The following LMF1 variants were observed in gnomAD, a reference collection of about 807,000 sequenced individuals.
LMF1 encodes the protein lipase maturation factor 1.
Under a neutral mutation model 60.6 loss-of-function variants are expected in LMF1, and 68 were observed. The ratio of observed to expected loss-of-function variants is 1.12; its 90% CI spans 0.92 to 1.37. The LOEUF is 1.37. Among genes scored for constraint, LMF1 ranks in the 40% most tolerant of loss-of-function variants. The probability of loss-of-function intolerance (pLI) is 0.00; values close to 1 mark genes in which losing one functional copy is unlikely to be tolerated. For missense variants in LMF1, 948 were observed against 767.2 expected, an observed-to-expected ratio of 1.24 and a Z score of -2.78; for synonymous variants, 418 against 324.7, an observed-to-expected ratio of 1.29 and a Z score of -3.09.
intron 5 of LMF1, 73 bp from the exon 6 acceptor site, chr16:879,810 C>A: frequency 2.8e-6 from 4 of 1,432,384 alleles, no homozygotes; most frequent in Non-Finnish European, 1.9e-6. Flanking sequence ...GCTTGTGGGT[C>A]CCTGGCCCCC....
intron 6 of LMF1, among the ~76,000 whole-genome samples, chr16:877,360 C>T (rs988203711): frequency 3.3e-5 from 5 of 152,188 alleles, no homozygotes; most frequent in Non-Finnish European, 4.4e-5. Flanking sequence ...TCCTACGGCC[C>T]GCAAGGGTGA....
chr16:944,798 C>T lies in LMF1; in HGVS notation c.503+9559G>A, dbSNP rs536334322. ...GCTTGCTGAAGTCTCGCCCTGTCTA[C>T]GGCCCCAGTGCCCTAAACACCCCAT... is the stretch of plus-strand genomic sequence containing the variant. On this transcript the variant is annotated intron_variant, in intron 2 of 10. Transcript: ENST00000262301. Among the ~76,000 whole-genome samples, 55 of 152,340 alleles carry T rather than the reference C, an allele frequency of 3.6e-4. No homozygotes were observed. The East Asian group carries it at 9.3e-3, about 26-fold the overall frequency.
intron 2 of LMF1, among the ~76,000 whole-genome samples, chr16:950,095 A>G (rs1446317749): frequency 1.1e-5 from 1 of 92,154 alleles, no homozygotes; most frequent in Non-Finnish European, 2.0e-5. Flanking sequence ...CGACAGAGTC[A>G]GAGCCAACGA....
chr16:976,849 T>C (rs918879006), intron 1 of LMF1: 16 of 453,978 alleles, frequency 3.5e-5, no homozygotes, highest in Admixed American at 7.0e-5. Context: ...CCTTTCCACA[T>C]GCGAACAGCC....
chr16:977,900 T>TAAACACACACACC (rs2151509012), intron 1 of LMF1, among the ~76,000 whole-genome samples: 1 of 95,946 alleles, frequency 1.0e-5, no homozygotes, highest in African/African-American at 4.6e-5. Flanking sequence ...CACCACACAC[T>TAAACACACACACC]AAACACACAC....
rs114085231 is a variant in LMF1, at chr16:864,363, G to A, written c.1529+4581C>T. Reference sequence around the variant, plus strand: ...CAGTTTTTCAGCTTTACAATGGTGCGAGGGATACGCACTCGGTAGGAACCG... The same window carrying A: ...CAGTTTTTCAGCTTTACAATGGTGCAAGGGATACGCACTCGGTAGGAACCG... On this transcript the variant is annotated intron_variant, in intron 10 of 10. Transcript: ENST00000262301. 7.8e-3 allele frequency among the ~76,000 whole-genome samples: 1,186 copies of A among 152,256 alleles called. 22 individuals are homozygous for A. The highest frequency in any genetic ancestry group is 0.027 in the African/African-American group (1,109 of 41,530).
chr16:965,146 C>T (rs1179126065), intron 1 of LMF1, among the ~76,000 whole-genome samples: 1 of 152,258 alleles, frequency 6.6e-6, no homozygotes, highest in Non-Finnish European at 1.5e-5. Context: ...CTGTCCCCGT[C>T]ACTCGGGATC....
intron 2 of LMF1, chr16:947,663 G>A (rs764802651): frequency 2.2e-6 from 1 of 450,936 alleles, no homozygotes; most frequent in African/African-American, 2.0e-5. Flanking sequence ...CTGGGGTCGA[G>A]ACAGTGGGGA....
intron 10 of LMF1, among the ~76,000 whole-genome samples, chr16:857,068 T>G (rs2069206497): frequency 6.6e-6 from 1 of 152,260 alleles, no homozygotes; most frequent in African/African-American, 2.4e-5. Flanking sequence ...ACGCCAATTC[T>G]CAGGTTCCGC....
chr16:906,509 T>C (rs111765895), intron 4 of LMF1, among the ~76,000 whole-genome samples: 3,101 of 152,262 alleles, frequency 0.02, 109 homozygotes, highest in African/African-American at 0.072. Context: ...CCCTCAAACA[T>C]GGGACTCCAG....
intron 3 of LMF1, among the ~76,000 whole-genome samples, chr16:914,605 C>T (rs796953090): frequency 1.1e-3 from 10 of 9,396 alleles, no homozygotes; most frequent in South Asian, 2.0e-3. Context: ...TGGTGACACA[C>T]TCCCTCCCTC....
At position 869,907 on chromosome 16, in the gene LMF1, C is replaced by A. The variant is rs1380800485; in HGVS notation, c.1392G>T (p.Trp464Cys). 2.9e-5 allele frequency: 47 copies of A among 1,612,954 alleles called. No homozygotes were observed. Among genetic ancestry groups the A allele is most frequent in the Non-Finnish European group, 4.0e-5 (47 of 1,179,820 alleles). ...CCTGGAAGGCCGCGAACCACATCAG[C>A]CAGTCCAGGCGGTAGTGGTACGGGG... ...LISPYHYRLDWLMWFAAFQTY... is the reference protein window; with the variant it reads ...LISPYHYRLDCLMWFAAFQTY... Residue 464 changes from tryptophan to cysteine, a missense_variant, in exon 9 of 11, where the codon TGG becomes TGT. Transcript: ENST00000262301.
At chr16:905,656 A>G (rs1170073295) in intron 4 of LMF1, among the ~76,000 whole-genome samples, 1 of 151,860 alleles carries the variant, frequency 6.6e-6, no homozygotes, top group Non-Finnish European at 1.5e-5. Context: ...TATTCCAGAT[A>G]CAGGTTCCTT....
In LMF1 at chr16:869,882, C is replaced by G. The variant is rs745885871; in HGVS notation, c.1416+1G>C. ...TGCGCCCGCCAGGGACCGTCCCCCA[C>G]CTGGAAGGCCGCGAACCACATCAGC... On this transcript the variant is annotated splice_donor_variant, in intron 9 of 10. Transcript: ENST00000262301. LOFTEE classifies it high-confidence loss of function. 6.2e-7 allele frequency: 1 copy of G among 1,611,022 alleles called. No homozygotes were observed. Among genetic ancestry groups the G allele is most frequent in the East Asian group, 2.2e-5 (1 of 44,846 alleles).
chr16:926,879 T>A (rs779933741), intron 3 of LMF1, among the ~76,000 whole-genome samples: 4 of 151,578 alleles, frequency 2.6e-5, no homozygotes, highest in Non-Finnish European at 4.4e-5. Flanking sequence ...GCCATAGGAG[T>A]CCTCCCTGGA....
chr16:891,245 A>C (rs781475503), intron 5 of LMF1, among the ~76,000 whole-genome samples: 3 of 152,120 alleles, frequency 2.0e-5, no homozygotes, highest in Non-Finnish European at 2.9e-5. Flanking sequence ...TCCCCCAGAA[A>C]CACCACACCC....
intron 2 of LMF1, among the ~76,000 whole-genome samples, chr16:948,439 CAG>C (rs2072313511): frequency 6.7e-6 from 1 of 150,136 alleles, no homozygotes; most frequent in African/African-American, 2.5e-5. Flanking sequence ...CAGCCAACGA[CAG>C]AGTCAGAGAC....
At chr16:925,858 GCAAA>G (rs1040753039) in intron 3 of LMF1, among the ~76,000 whole-genome samples, 10 of 152,264 alleles carry the variant, frequency 6.6e-5, no homozygotes, top group Admixed American at 5.2e-4. Context: ...TTTGAGTAAA[GCAAA>G]CATTTACCCC....
At chr16:862,606 C>T (rs1243376634) in intron 10 of LMF1, among the ~76,000 whole-genome samples, 1 of 151,890 alleles carries the variant, frequency 6.6e-6, no homozygotes, top group African/African-American at 2.4e-5. Flanking sequence ...GCTTGTAATC[C>T]CAGCACTTTG....
Sources: gnomAD v4.1 joint callset for allele counts (sites outside exome capture counted in the v4.1 genomes callset) on GRCh38, gnomAD v4.1.1 for gene constraint, MANE v1.5 for transcripts, NCBI Gene and HGNC (gene_info 2026-07-23, HGNC 2026-07-21) for gene names.